The following PMPCB variants were observed in gnomAD, a reference collection of about 807,000 sequenced individuals.
PMPCB encodes the protein mitochondrial-processing peptidase subunit beta.
Under a neutral mutation model 61.5 loss-of-function variants are expected in PMPCB, and 46 were observed. The ratio of observed to expected loss-of-function variants is 0.75; its 90% CI spans 0.59 to 0.96. PMPCB has a LOEUF of 0.96. Among genes scored for constraint, PMPCB ranks in the 40% least tolerant of loss-of-function variants. The pLI is 0.00. For synonymous variants in PMPCB, 191 were observed against 201.6 expected (o/e 0.95, Z 0.44); for missense variants, 590 against 602.4 (o/e 0.98, Z 0.22).
chr7:103,327,547 A>G (rs1818770394), intron 12 of PMPCB: 1 of 764,180 alleles, frequency 1.3e-6, no homozygotes, highest in Admixed American at 2.8e-5. Context: ...ATGTTTTAAA[A>G]TGTCAAAGGA....
In PMPCB at chr7:103,313,458, C is replaced by G; in HGVS notation, c.*1187C>G. ...TGGACTCAAAAACACAACCACAATT[C>G]ATTAAGAGTTCTGATAAATCTACTT... is the stretch of plus-strand genomic sequence containing the variant. On this transcript the variant is annotated 3_prime_UTR_variant, in exon 13 of 13. Coordinates refer to ENST00000249269, the MANE Select transcript of PMPCB (RefSeq NM_004279.3). The G allele has an allele frequency of 1.0e-6, 1 of 984,852 alleles. No individual in the cohort carries two copies. 61.0% of individuals were successfully genotyped at this position (984,852 alleles called of 1,614,324 possible).
chr7:103,303,785 T>C, intron 4 of PMPCB, 57 bp from the exon 5 acceptor site: 4 of 1,283,404 alleles, frequency 3.1e-6, no homozygotes, highest in Non-Finnish European at 3.3e-6. Context: ...TTTAATAGAT[T>C]TTAATAGTGA....
At chr7:103,310,534 T>C in intron 9 of PMPCB, 59 bp downstream of exon 9, 1 of 1,344,034 alleles carries the variant, frequency 7.4e-7, no homozygotes, top group Non-Finnish European at 1.0e-6. Flanking sequence ...TAAACTAGTT[T>C]TTTATTTATA....
chr7:103,322,847 G>A, intron 12 of PMPCB: 1 of 1,331,366 alleles, frequency 7.5e-7, no homozygotes, highest in Non-Finnish European at 1.0e-6. Context: ...TGCTATGACT[G>A]GAAAATGCAA....
rs372942056 is a variant in PMPCB, at chr7:103,297,500, C to G, written c.41C>G (p.Ala14Gly). ...GCTCGAGTGGTGTTGTCATCCGCGG[C>G]GCGGCGGCGGCTCTGGGGTTTCAGC... is the stretch of plus-strand genomic sequence containing the variant. ...AAARVVLSSA[A>G]RRRLWGFSES... Residue 14 changes from alanine to glycine, a missense_variant, in exon 1 of 13, where the codon GCG (alanine) becomes GGG (glycine). Physicochemically the swap from Ala to Gly is moderately conservative, Grantham distance 60 (BLOSUM62 0). Transcript: ENST00000249269. 2.5e-6 allele frequency: 4 copies of G among 1,576,420 alleles called. No homozygotes were observed. In the South Asian group the frequency reaches 4.7e-5, roughly 18 times the overall value.
downstream of PMPCB, among the ~76,000 whole-genome samples, chr7:103,329,816 C>T (rs955385387): frequency 3.3e-5 from 5 of 152,108 alleles, no homozygotes; most frequent in Non-Finnish European, 5.9e-5. Flanking sequence ...GCTTATTTGT[C>T]TTGCATCTAG....
downstream of PMPCB, among the ~76,000 whole-genome samples, chr7:103,331,023 A>G (rs1393810101): frequency 1.3e-5 from 2 of 151,802 alleles, no homozygotes; most frequent in African/African-American, 4.8e-5. Context: ...CAATGGCACA[A>G]TCTTGGCTCA....
rs1817514604 is a variant in PMPCB, at chr7:103,303,968, A to G, written c.584A>G (p.Asp195Gly). 1.9e-6 allele frequency: 3 copies of G among 1,613,894 alleles called. No individual in the cohort carries two copies. The African/African-American group carries it at 4.0e-5, about 22-fold the overall frequency. The change falls in exon 5 of 13, where the codon GAT (aspartate) becomes GGT (glycine). Residue 195 changes from aspartate (D) to glycine (G), a missense_variant. Coordinates refer to ENST00000249269, the MANE Select transcript of PMPCB (RefSeq NM_004279.3). ...ACCAATTTACAAGAAGTTGTTTTTG[A>G]TTATCTTCATGCCACAGCTTATCAA... ...VETNLQEVVFDYLHATAYQNT... is the reference protein window; with the variant it reads ...VETNLQEVVFGYLHATAYQNT...
downstream of PMPCB, chr7:103,316,659 A>AT: frequency 1.6e-6 from 1 of 610,918 alleles, no homozygotes; most frequent in South Asian, 2.0e-5. Context: ...TACTGATGCA[A>AT]TGGGTAAGAC....
chr7:103,325,342 CAGG>C (rs1818646476), intron 12 of PMPCB, among the ~76,000 whole-genome samples: 1 of 151,806 alleles, frequency 6.6e-6, no homozygotes, highest in Non-Finnish European at 1.5e-5. Context: ...GAGGCTGAGG[CAGG>C]AGAATTGCTT....
In PMPCB at chr7:103,310,457, ATGT is replaced by A; in HGVS notation, c.1141_1143del (p.Val381del). The A allele has an allele frequency of 6.2e-7, 1 of 1,603,454 alleles. No homozygotes were observed. Among genetic ancestry groups the A allele is most frequent in the Non-Finnish European group, 8.5e-7 (1 of 1,176,848 alleles). On this transcript the variant is annotated inframe_deletion, in exon 9 of 13. Coordinates refer to ENST00000249269, the MANE Select transcript of PMPCB (RefSeq NM_004279.3). Reference sequence around the variant, plus strand: ...TCATCCACTGTTGCAGACATGCTACATGTTGTTCAAAAAGAATGGTGAGAAAAA... The same window carrying A: ...TCATCCACTGTTGCAGACATGCTACATGTTCAAAAAGAATGGTGAGAAAAA...
In PMPCB at chr7:103,298,563, A is replaced by G; in HGVS notation, c.100-5A>G. 6.2e-7 allele frequency: 1 copy of G among 1,613,602 alleles called. No individual in the cohort carries two copies. The highest frequency in any genetic ancestry group is 8.5e-7 in the Non-Finnish European group (1 of 1,179,710). On this transcript the variant is annotated splice_region_variant and splice_polypyrimidine_tract_variant and intron_variant, in intron 1 of 12. Transcript: ENST00000249269. ...TTGTCTCTTCCACTTCCTACCCCCA[A>G]CCAGTCATTATATTTTGGAGAGAAC...
chr7:103,304,138 T>A, intron 5 of PMPCB, 98 bp downstream of exon 5: 1 of 979,206 alleles, frequency 1.0e-6, no homozygotes, highest in Non-Finnish European at 1.5e-6. Context: ...AAAGTAATTT[T>A]CCCCCTGGTA....
At chr7:103,327,597 CA>C (rs1383814372) in intron 12 of PMPCB, 1 of 1,148,130 alleles carries the variant, frequency 8.7e-7, no homozygotes, top group East Asian at 2.4e-5. Context: ...AACCCAATCC[CA>C]GCAATTAATA....
downstream of PMPCB, among the ~76,000 whole-genome samples, chr7:103,318,017 A>AC (rs1818166552): frequency 6.6e-6 from 1 of 152,148 alleles, no homozygotes; most frequent in South Asian, 2.1e-4. Context: ...TTATCCACAA[A>AC]CGTCAGATTA....
the PMPCB span, chr7:103,344,515 G>C: frequency 1.2e-6 from 2 of 1,608,836 alleles, no homozygotes; most frequent in South Asian, 1.1e-5. Context: ...ACTGAGGCAG[G>C]GGCAGCTGAG....
chr7:103,309,295 T>C, intron 8 of PMPCB, 200 bp downstream of exon 8: 1 of 403,068 alleles, frequency 2.5e-6, no homozygotes, highest in Non-Finnish European at 4.3e-6. Context: ...CAAAGTTTAT[T>C]AGTGGCAAAA....
intron 12 of PMPCB, chr7:103,324,773 G>C: frequency 6.2e-6 from 2 of 324,892 alleles, no homozygotes; most frequent in Non-Finnish European, 1.1e-5. Flanking sequence ...AGATAGACTG[G>C]GGTGAGGAGA....
chr7:103,329,242 A>G, exon 13 of PMPCB: 2 of 230,520 alleles, frequency 8.7e-6, no homozygotes, highest in South Asian at 9.9e-5. Context: ...AATCTTCTCC[A>G]TGATCCTATG....
Sources: gnomAD v4.1 joint callset for allele counts (sites outside exome capture counted in the v4.1 genomes callset) on GRCh38, gnomAD v4.1.1 for gene constraint, MANE v1.5 for transcripts, NCBI Gene and HGNC (gene_info 2026-07-23, HGNC 2026-07-21) for gene names.